Variants in MED27 observed in about 807,000 individuals in gnomAD.
The protein encoded by MED27 is mediator complex subunit 27, also known as mediator of RNA polymerase II transcription subunit 27.
MED27 carries 30 observed loss-of-function variants against 38.2 expected under a neutral mutation model. The ratio of observed to expected loss-of-function variants is 0.79; its 90% CI spans 0.59 to 1.07. The LOEUF is 1.07. Among genes scored for constraint, MED27 ranks in the 50% least tolerant of loss-of-function variants. The probability of loss-of-function intolerance (pLI) is 0.00; values close to 1 mark genes in which losing one functional copy is unlikely to be tolerated. For missense variants in MED27, 289 were observed against 397.5 expected (o/e 0.73, Z 2.32); for synonymous variants, 122 against 153.5 (o/e 0.79, Z 1.52).
chr9:131,861,224 AAATAACATCAT>A lies in MED27; in HGVS notation c.802-563_802-553del, dbSNP rs2087073987. Among the ~76,000 whole-genome samples, 1 of 152,120 alleles carries A rather than the reference AAATAACATCAT, an allele frequency of 6.6e-6. No homozygotes were observed. Among genetic ancestry groups the A allele is most frequent in the East Asian group, 1.9e-4 (1 of 5,190 alleles). On this transcript the variant is annotated intron_variant, in intron 7 of 7. Transcript: ENST00000292035. The surrounding 1 kb of genome is among the most constrained non-coding windows in gnomAD (Gnocchi z 4.4). ...GGGTGGGGACAGCCCTGGTGCCACC[AAATAACATCAT>A]AAGCAGCAAATCCACACTTGAATGG...
intron 2 of MED27, among the ~76,000 whole-genome samples, chr9:132,071,828 T>C (rs1204803779): frequency 7.2e-6 from 1 of 139,616 alleles, no homozygotes; most frequent in East Asian, 2.2e-4. Flanking sequence ...CATAAGTGAG[T>C]ACACACATAC....
intron 2 of MED27, among the ~76,000 whole-genome samples, chr9:132,054,826 T>C (rs4962223): frequency 0.31 from 47,132 of 152,016 alleles, 7,544 homozygotes; most frequent in East Asian, 0.4. Flanking sequence ...CCTAGTTGTT[T>C]TGTTTACCTT....
intron 4 of MED27, among the ~76,000 whole-genome samples, chr9:131,924,691 G>T (rs1173077507): frequency 1.3e-5 from 2 of 152,098 alleles, no homozygotes; most frequent in Non-Finnish European, 2.9e-5. Flanking sequence ...CTACTTATGA[G>T]CCAGTACTGC....
chr9:131,886,611 T>C (rs1219667548), intron 5 of MED27, among the ~76,000 whole-genome samples: 1 of 152,244 alleles, frequency 6.6e-6, no homozygotes, highest in Non-Finnish European at 1.5e-5. Flanking sequence ...GCTGGAATTA[T>C]AATGTGACAG....
chr9:131,876,474 G>C (rs576956568), intron 6 of MED27, among the ~76,000 whole-genome samples: 1 of 152,202 alleles, frequency 6.6e-6, no homozygotes, highest in South Asian at 2.1e-4. Context: ...CTGGGGCGGC[G>C]TAAGAGGAGA....
intron 4 of MED27, among the ~76,000 whole-genome samples, chr9:131,939,140 G>A (rs1830737670): frequency 6.6e-6 from 1 of 152,192 alleles, no homozygotes; most frequent in Non-Finnish European, 1.5e-5. Flanking sequence ...AGGTGAAATG[G>A]TCTTACAGTG....
intron 4 of MED27, among the ~76,000 whole-genome samples, chr9:131,935,328 T>C (rs1041974494): frequency 6.6e-6 from 1 of 152,260 alleles, no homozygotes; most frequent in Non-Finnish European, 1.5e-5. Context: ...AAGTGTCTCA[T>C]ATACCCCATA....
chr9:131,950,588 G>T (rs1375367420), intron 3 of MED27, among the ~76,000 whole-genome samples: 1 of 152,182 alleles, frequency 6.6e-6, no homozygotes. Context: ...CAAAGAGAAT[G>T]ATCACAATCA....
intron 4 of MED27, among the ~76,000 whole-genome samples, chr9:131,925,564 AC>A (rs1286570736): frequency 6.6e-6 from 1 of 152,264 alleles, no homozygotes; most frequent in Non-Finnish European, 1.5e-5. Context: ...CTATAGCTAA[AC>A]CAACAAATTG....
At chr9:132,011,396 T>C (rs146892111) in intron 3 of MED27, among the ~76,000 whole-genome samples, 44 of 152,382 alleles carry the variant, frequency 2.9e-4, no homozygotes, top group Non-Finnish European at 5.7e-4. Context: ...TATACTATTA[T>C]TGTTCTATTT....
intron 3 of MED27, among the ~76,000 whole-genome samples, chr9:131,957,216 T>C (rs2130992955): frequency 6.6e-6 from 1 of 152,244 alleles, no homozygotes; most frequent in African/African-American, 2.4e-5. Context: ...ATGTTATATC[T>C]ACACAAACAC....
intron 3 of MED27, among the ~76,000 whole-genome samples, chr9:131,968,430 C>T (rs1589240143): frequency 7.0e-6 from 1 of 143,676 alleles, no homozygotes; most frequent in Non-Finnish European, 1.5e-5. Flanking sequence ...GCCTAGATCA[C>T]ACCACTGCAC....
chr9:131,963,847 C>A (rs939847800), intron 3 of MED27, among the ~76,000 whole-genome samples: 1 of 152,042 alleles, frequency 6.6e-6, no homozygotes, highest in African/African-American at 2.4e-5. Flanking sequence ...CCTGACAACC[C>A]GGAGAAAATG....
At chr9:132,026,961 C>T (rs903339011) in intron 2 of MED27, among the ~76,000 whole-genome samples, 5 of 152,148 alleles carry the variant, frequency 3.3e-5, no homozygotes, top group Non-Finnish European at 7.4e-5. Context: ...GACTGGTATC[C>T]GGGGAGCCTG....
At chr9:131,996,521 C>A (rs1470037943) in intron 3 of MED27, among the ~76,000 whole-genome samples, 1 of 152,182 alleles carries the variant, frequency 6.6e-6, no homozygotes, top group Non-Finnish European at 1.5e-5. Context: ...GGAAGGGAGG[C>A]CCCACTGGAC....
At chr9:131,877,282 G>A (rs1171416026) in intron 6 of MED27, among the ~76,000 whole-genome samples, 1 of 152,150 alleles carries the variant, frequency 6.6e-6, no homozygotes, top group African/African-American at 2.4e-5. Context: ...TGAAAATAAC[G>A]CGGCTGGGCA....
chr9:131,915,430 A>G (rs1830271159), intron 4 of MED27, among the ~76,000 whole-genome samples: 1 of 152,218 alleles, frequency 6.6e-6, no homozygotes, highest in South Asian at 2.1e-4. Flanking sequence ...CAGACACAAG[A>G]ACTGTCACCA....
At chr9:131,893,836 T>A in intron 5 of MED27, 49 bp downstream of exon 5, 4 of 1,350,496 alleles carry the variant, frequency 3.0e-6, no homozygotes, top group Non-Finnish European at 4.2e-6. Context: ...ACTACACTTG[T>A]TCTGGGATAC....
intron 3 of MED27, among the ~76,000 whole-genome samples, chr9:131,978,832 G>A (rs1284999555): frequency 1.3e-5 from 2 of 152,246 alleles, no homozygotes; most frequent in Non-Finnish European, 2.9e-5. Context: ...ACCATCGCAA[G>A]AGGGCGTTTT....
Sources: gnomAD v4.1 joint callset for allele counts (sites outside exome capture counted in the v4.1 genomes callset) on GRCh38, gnomAD v4.1.1 for gene constraint, Gnocchi (gnomAD v3.1) non-coding constraint, MANE v1.5 for transcripts, NCBI Gene and HGNC (gene_info 2026-07-23, HGNC 2026-07-21) for gene names.